The following TAFA5 variants were observed in gnomAD, a reference collection of about 807,000 sequenced individuals.
TAFA5 encodes chemokine-like protein TAFA-5.
Under a neutral mutation model 15.3 loss-of-function variants are expected in TAFA5, and 6 were observed. That is an observed-to-expected ratio of 0.39 (90% CI 0.21 to 0.77). The LOEUF (loss-of-function observed/expected upper bound fraction) is 0.77, where lower values mean the gene tolerates loss of function less well. TAFA5 is among the 30% of genes least tolerant of loss of function. The pLI is 0.41. For synonymous variants in TAFA5, 103 were observed against 80.7 expected (o/e 1.28, Z -1.48); for missense variants, 161 against 193.1 (o/e 0.83, Z 0.98).
intron 2 of TAFA5, among the ~76,000 whole-genome samples, chr22:48,681,976 A>C (rs1928205409): frequency 1.0e-5 from 1 of 98,936 alleles, no homozygotes; most frequent in African/African-American, 3.1e-5. Flanking sequence ...CGTCAAGCAG[A>C]CGTTGTTGTG....
At chr22:48,620,601 ACCCATCCTATCCACCCACCCACCATCC>A (rs879618856) in intron 1 of TAFA5, among the ~76,000 whole-genome samples, 19 of 16,790 alleles carry the variant, frequency 1.1e-3, no homozygotes, top group East Asian at 3.0e-3. Flanking sequence ...CCACCCCCCT[ACCCATCCTATCCACCCACCCACCATCC>A]CCCATCCTAT....
intron 1 of TAFA5, among the ~76,000 whole-genome samples, chr22:48,569,347 C>G (rs1008795102): frequency 3.4e-4 from 51 of 152,120 alleles, no homozygotes; most frequent in African/African-American, 1.2e-3. Flanking sequence ...TTGAAATGAC[C>G]CTTTGCTTCT....
At chr22:48,527,977 T>G (rs1164715183) in intron 1 of TAFA5, among the ~76,000 whole-genome samples, 1 of 152,342 alleles carries the variant, frequency 6.6e-6, no homozygotes, top group Non-Finnish European at 1.5e-5. Flanking sequence ...CTTGTTCTCC[T>G]CTCTGGAATC....
At chr22:48,720,913 C>A (rs1929549418) in intron 3 of TAFA5, among the ~76,000 whole-genome samples, 1 of 152,168 alleles carries the variant, frequency 6.6e-6, no homozygotes, top group Non-Finnish European at 1.5e-5. Context: ...TGGGTGGATC[C>A]CAGAATAGGC....
At chr22:48,640,584 G>A (rs1360767186) in intron 1 of TAFA5, among the ~76,000 whole-genome samples, 1 of 151,468 alleles carries the variant, frequency 6.6e-6, no homozygotes, top group African/African-American at 2.4e-5. Flanking sequence ...GGTGATGAGA[G>A]GCGTTTACCC....
chr22:48,749,932 G>A lies in TAFA5; in HGVS notation c.*85G>A. ...CAGCCACAGTTCTCCACTCGCCTCG[G>A]ACTTCACCCGTTCTCTGCCGCCCGC... On this transcript the variant is annotated 3_prime_UTR_variant, in exon 4 of 4. Transcript: ENST00000402357. 1 of 1,303,228 alleles carries A rather than the reference G, an allele frequency of 7.7e-7. No homozygotes were observed. Among genetic ancestry groups the A allele is most frequent in the South Asian group, 1.3e-5 (1 of 79,094 alleles). 80.7% of individuals were successfully genotyped at this position (1,303,228 alleles called of 1,614,324 possible). A position where few individuals can be genotyped will look rare whatever the true frequency, so the allele number is the denominator to read the frequency against.
In TAFA5 at chr22:48,648,690, T is replaced by C. The variant is rs373359720; in HGVS notation, c.262+1944T>C. On this transcript the variant is annotated intron_variant, in intron 2 of 3. Transcript: ENST00000402357. Reference sequence around the variant, plus strand: ...CCTGTCTCTACTAAAAATACAAAATTACCCGGGCGTGGTGGTGTGCACCAG... The same window carrying C: ...CCTGTCTCTACTAAAAATACAAAATCACCCGGGCGTGGTGGTGTGCACCAG... 3.3e-5 allele frequency among the ~76,000 whole-genome samples: 5 copies of C among 151,958 alleles called. No homozygotes were observed. The East Asian group carries it at 9.7e-4, about 30-fold the overall frequency.
At position 48,706,251 on chromosome 22, in the gene TAFA5, G is replaced by A. The variant is rs564070811; in HGVS notation, c.263-1466G>A. ...GGAGGGACCCAAAGGAAAACAGGAAGGGGCTTCATGCGTGCATTGCCCACA... is the reference window on the plus strand; with the variant it reads ...GGAGGGACCCAAAGGAAAACAGGAAAGGGCTTCATGCGTGCATTGCCCACA... On this transcript the variant is annotated intron_variant, in intron 2 of 3. Coordinates refer to ENST00000402357, the MANE Select transcript of TAFA5 (RefSeq NM_001082967.3). Among the ~76,000 whole-genome samples, 7 of 152,346 alleles carry A rather than the reference G, an allele frequency of 4.6e-5. No homozygotes were observed. In the South Asian group the frequency reaches 1.2e-3, roughly 27 times the overall value.
intron 1 of TAFA5, among the ~76,000 whole-genome samples, chr22:48,551,856 G>T (rs1043592088): frequency 2.6e-5 from 4 of 152,220 alleles, no homozygotes; most frequent in Non-Finnish European, 5.9e-5. Flanking sequence ...GCTGCCCCGC[G>T]CTTTCCCATG....
intron 3 of TAFA5, among the ~76,000 whole-genome samples, chr22:48,734,788 TC>T (rs1929961597): frequency 6.6e-6 from 1 of 152,188 alleles, no homozygotes; most frequent in Non-Finnish European, 1.5e-5. Context: ...GCATCTCAAA[TC>T]AGTGAGGATG....
At chr22:48,509,566 A>G (rs1470236083) in intron 1 of TAFA5, among the ~76,000 whole-genome samples, 3 of 152,130 alleles carry the variant, frequency 2.0e-5, no homozygotes, top group Non-Finnish European at 4.4e-5. Context: ...TTCTCTGGTG[A>G]TTAGTGATGT....
At chr22:48,746,671 G>A (rs563013474) in intron 3 of TAFA5, among the ~76,000 whole-genome samples, 12 of 152,282 alleles carry the variant, frequency 7.9e-5, no homozygotes, top group Middle Eastern at 3.4e-3. Flanking sequence ...ATTCGGACCC[G>A]GGAGGTGTGC....
At chr22:48,511,441 A>AG (rs932318471) in intron 1 of TAFA5, among the ~76,000 whole-genome samples, 6 of 151,932 alleles carry the variant, frequency 3.9e-5, no homozygotes, top group African/African-American at 1.5e-4. Context: ...TCCCAGGGGG[A>AG]GGGGAGGCTG....
intron 1 of TAFA5, among the ~76,000 whole-genome samples, chr22:48,585,921 A>G (rs760559020): frequency 3.3e-5 from 5 of 152,068 alleles, no homozygotes; most frequent in African/African-American, 4.8e-5. Context: ...CACACGTTAC[A>G]CCCATCACAC....
intron 1 of TAFA5, among the ~76,000 whole-genome samples, chr22:48,511,071 C>T (rs1921193061): frequency 6.6e-6 from 1 of 152,246 alleles, no homozygotes; most frequent in Non-Finnish European, 1.5e-5. Context: ...GTTTTAGGGT[C>T]AACCAGGACA....
At chr22:48,538,987 G>T in intron 1 of TAFA5, 1 of 189,330 alleles carries the variant, frequency 5.3e-6, no homozygotes, top group Non-Finnish European at 1.1e-5. Flanking sequence ...GCATGAATAC[G>T]TATTTGTCGG....
intron 1 of TAFA5, among the ~76,000 whole-genome samples, chr22:48,509,236 G>A (rs1042379097): frequency 3.3e-5 from 5 of 152,168 alleles, no homozygotes; most frequent in African/African-American, 9.7e-5. Flanking sequence ...CTGATTCTGC[G>A]TCGTGGCTCT....
chr22:48,533,299 C>A (rs2147114014), intron 1 of TAFA5, among the ~76,000 whole-genome samples: 1 of 152,280 alleles, frequency 6.6e-6, no homozygotes, highest in South Asian at 2.1e-4. Context: ...AGCCGTCAAA[C>A]CTTTGGCTCT....
chr22:48,677,451 C>T (rs1356040540), intron 2 of TAFA5, among the ~76,000 whole-genome samples: 1 of 152,234 alleles, frequency 6.6e-6, no homozygotes, highest in African/African-American at 2.4e-5. Flanking sequence ...TAGTGACCTT[C>T]CCGTGTTCTT....
Sources: gnomAD v4.1 joint callset for allele counts (sites outside exome capture counted in the v4.1 genomes callset) on GRCh38, gnomAD v4.1.1 for gene constraint, MANE v1.5 for transcripts, NCBI Gene and HGNC (gene_info 2026-07-23, HGNC 2026-07-21) for gene names.